The following RAD51B variants were observed in gnomAD, a reference collection of about 807,000 sequenced individuals.
RAD51B encodes DNA repair protein RAD51 homolog 2.
Under a neutral mutation model 42.2 loss-of-function variants are expected in RAD51B, and 38 were observed. That is an observed-to-expected ratio of 0.90 (90% CI 0.70 to 1.18). The LOEUF (loss-of-function observed/expected upper bound fraction) is 1.18, where lower values mean the gene tolerates loss of function less well. Among genes scored for constraint, RAD51B ranks in the 50% most tolerant of loss-of-function variants. The pLI, the probability that RAD51B is intolerant of heterozygous loss-of-function variation, is 0.00. For synonymous variants in RAD51B, 154 were observed against 145.2 expected (o/e 1.06, Z -0.43); for missense variants, 373 against 400.7 (o/e 0.93, Z 0.59).
At chr14:68,241,393 T>A (rs1258737769) in intron 7 of RAD51B, among the ~76,000 whole-genome samples, 5 of 152,084 alleles carry the variant, frequency 3.3e-5, no homozygotes, top group Non-Finnish European at 2.9e-5. Context: ...ATACAAAAAA[T>A]TAGCTGGGTA....
chr14:68,363,182 T>A (rs544888697), intron 8 of RAD51B, among the ~76,000 whole-genome samples: 2 of 152,354 alleles, frequency 1.3e-5, no homozygotes, highest in African/African-American at 4.8e-5. Context: ...TTCATACCGC[T>A]TTGCTTACCC....
intron 8 of RAD51B, among the ~76,000 whole-genome samples, chr14:68,363,467 T>C (rs2083072879): frequency 6.6e-6 from 1 of 152,230 alleles, no homozygotes; most frequent in Non-Finnish European, 1.5e-5. Flanking sequence ...GTATTCTCAG[T>C]GTCCGCCAGT....
At chr14:67,989,525 C>A (rs926636516) in intron 7 of RAD51B, among the ~76,000 whole-genome samples, 2 of 151,232 alleles carry the variant, frequency 1.3e-5, no homozygotes, top group Admixed American at 6.6e-5. Context: ...GTAATCCCAG[C>A]TACTCAGGAG....
At chr14:68,600,728 C>G (rs1469553433), downstream of RAD51B, among the ~76,000 whole-genome samples, 3 of 152,184 alleles carry the variant, frequency 2.0e-5, no homozygotes, top group Non-Finnish European at 2.9e-5. Flanking sequence ...GTCCAGAGAA[C>G]TCCAAGTGCT....
intron 7 of RAD51B, among the ~76,000 whole-genome samples, chr14:68,145,581 A>G (rs530584667): frequency 6.6e-6 from 1 of 152,388 alleles, no homozygotes; most frequent in Non-Finnish European, 1.5e-5. Context: ...ATAACTTAAA[A>G]TAGGTATTTC....
intron 7 of RAD51B, among the ~76,000 whole-genome samples, chr14:68,153,131 T>G (rs1304536414): frequency 6.6e-6 from 1 of 152,216 alleles, no homozygotes. Context: ...GTAGTATTGC[T>G]GGGTCAATAT....
intron 7 of RAD51B, chr14:68,113,691 T>TG (rs1052295180): frequency 5.3e-5 from 8 of 152,146 alleles, no homozygotes; most frequent in African/African-American, 9.7e-5. Flanking sequence ...CATATATGAA[T>TG]GCTCTGATGC....
chr14:67,859,931 C>T (rs1331101380), intron 4 of RAD51B, among the ~76,000 whole-genome samples: 1 of 152,134 alleles, frequency 6.6e-6, no homozygotes, highest in African/African-American at 2.4e-5. Context: ...TGCGATTCTC[C>T]TGTCTCAGCC....
chr14:67,935,097 G>A (rs2044887926), intron 7 of RAD51B, among the ~76,000 whole-genome samples: 1 of 152,142 alleles, frequency 6.6e-6, no homozygotes, highest in Non-Finnish European at 1.5e-5. Context: ...GGTGGTGAGT[G>A]CTCAATAAAT....
At chr14:67,936,701 G>A (rs914923925) in intron 7 of RAD51B, among the ~76,000 whole-genome samples, 3 of 152,120 alleles carry the variant, frequency 2.0e-5, no homozygotes, top group South Asian at 2.1e-4. Context: ...TACCAGCAGC[G>A]AGCTAGGGTT....
In RAD51B at chr14:68,291,967, G is replaced by C. The variant is rs1295381195; in HGVS notation, c.840G>C (p.Leu280Phe). 5 of 1,612,728 alleles carry C rather than the reference G, an allele frequency of 3.1e-6. No homozygotes were observed. The highest frequency in any genetic ancestry group is 4.2e-6 in the Non-Finnish European group (5 of 1,178,858). The part of the protein sequence containing the change: ...QADLVSPADD[L>F]SLSEGTSGSS... Reference sequence around the variant, plus strand: ...ACCTGGTGTCTCCAGCTGATGATTTGTCCCTGTCTGAAGGTAAGGAATCTG... The same window carrying C: ...ACCTGGTGTCTCCAGCTGATGATTTCTCCCTGTCTGAAGGTAAGGAATCTG... Residue 280 changes from leucine (L) to phenylalanine (F), a missense_variant, in exon 8 of 11, where the codon TTG becomes TTC. Leu to Phe is a conservative substitution (Grantham distance 22, BLOSUM62 0). Coordinates refer to ENST00000471583, the MANE Select transcript of RAD51B (RefSeq NM_133510.4).
At chr14:68,595,203 A>T (rs1210083038) in exon 11 of RAD51B, 1 of 1,062,444 alleles carries the variant, frequency 9.4e-7, no homozygotes, top group Non-Finnish European at 1.1e-6. Context: ...TACATGGAAA[A>T]TCCTAAACAT....
intron 4 of RAD51B, among the ~76,000 whole-genome samples, chr14:67,856,486 A>G (rs1373870207): frequency 1.1e-4 from 16 of 152,156 alleles, no homozygotes; most frequent in Non-Finnish European, 7.3e-5. Flanking sequence ...GGAGACAAGT[A>G]GTTAGATGCT....
chr14:67,977,679 G>A (rs1467937093), intron 7 of RAD51B, among the ~76,000 whole-genome samples: 1 of 152,160 alleles, frequency 6.6e-6, no homozygotes, highest in Non-Finnish European at 1.5e-5. Flanking sequence ...TTTTGTGTTA[G>A]CTTCTTCTTG....
chr14:68,297,933 G>A (rs1566792275), intron 8 of RAD51B, among the ~76,000 whole-genome samples: 1 of 152,118 alleles, frequency 6.6e-6, no homozygotes, highest in Non-Finnish European at 1.5e-5. Context: ...AAATGTTTAA[G>A]TGTCCTGGTG....
At chr14:68,008,306 G>T (rs769538413) in intron 7 of RAD51B, among the ~76,000 whole-genome samples, 1 of 151,668 alleles carries the variant, frequency 6.6e-6, no homozygotes, top group East Asian at 1.9e-4. Flanking sequence ...TAGACAAATT[G>T]ATCTTCATAT....
At chr14:68,310,636 A>C (rs745529605) in intron 8 of RAD51B, among the ~76,000 whole-genome samples, 15 of 152,298 alleles carry the variant, frequency 9.8e-5, no homozygotes, top group Admixed American at 3.9e-4. Flanking sequence ...ACTTTAGGTC[A>C]GGAGTTCAAG....
chr14:68,532,129 T>G (rs867863887), intron 10 of RAD51B, among the ~76,000 whole-genome samples: 3 of 152,314 alleles, frequency 2.0e-5, no homozygotes, highest in Non-Finnish European at 2.9e-5. Context: ...TATAGAGATA[T>G]TTTCTGACCA....
At chr14:68,676,612 TG>T (rs1380809940) in intron 11 of RAD51B, among the ~76,000 whole-genome samples, 1 of 152,076 alleles carries the variant, frequency 6.6e-6, no homozygotes, top group Non-Finnish European at 1.5e-5. Context: ...GCACACTAGG[TG>T]GGGCAGAGCC....
Sources: allele counts gnomAD v4.1 joint callset (sites outside exome capture counted in the v4.1 genomes callset), GRCh38; gene constraint gnomAD v4.1.1; transcripts MANE v1.5; gene names NCBI Gene and HGNC (gene_info 2026-07-23, HGNC 2026-07-21).